KIF13B: variants seen among roughly 807,000 people sequenced by gnomAD.
KIF13B encodes the protein kinesin-like protein KIF13B.
A neutral mutation model predicts 222.0 loss-of-function variants in KIF13B; 127 were observed. That is an observed-to-expected ratio of 0.57 (90% CI 0.50 to 0.66). The LOEUF (loss-of-function observed/expected upper bound fraction) is 0.66, where lower values mean the gene tolerates loss of function less well. Among genes scored for constraint, KIF13B ranks in the 30% least tolerant of loss-of-function variants. The pLI is 0.00. For missense variants in KIF13B, 2,173 were observed against 2,379.0 expected, an observed-to-expected ratio of 0.91 and a Z score of 1.80; for synonymous variants, 976 against 919.0, an observed-to-expected ratio of 1.06 and a Z score of -1.12.
intron 36 of KIF13B, among the ~76,000 whole-genome samples, chr8:29,093,623 C>T (rs533037454): frequency 6.6e-6 from 1 of 152,138 alleles, no homozygotes; most frequent in South Asian, 2.1e-4. Context: ...CACACAACTC[C>T]CCCCAGATCT....
Position 29,181,955 on chromosome 8 carries a change from G to A in KIF13B, c.549C>T (p.Val183=), listed in dbSNP as rs373014416. 111 of 1,613,392 alleles carry A rather than the reference G, an allele frequency of 6.9e-5. No homozygotes were observed. Among genetic ancestry groups the A allele is most frequent in the Non-Finnish European group, 8.6e-5 (101 of 1,179,656 alleles). ...VREHSVLGPY[V]DGLSKLAVTS... ...TGACAGCCAGTTTAGAAAGTCCGTCGACATAAGGTCCCAACACACTATGCT... is the reference window on the plus strand; with the variant it reads ...TGACAGCCAGTTTAGAAAGTCCGTCAACATAAGGTCCCAACACACTATGCT... Residue 183 remains valine, a synonymous_variant, in exon 7 of 40, where the codon GTC becomes GTT. Transcript: ENST00000524189.
At chr8:29,179,219 C>G (rs1812609581) in intron 8 of KIF13B, among the ~76,000 whole-genome samples, 1 of 152,068 alleles carries the variant, frequency 6.6e-6, no homozygotes, top group African/African-American at 2.4e-5. Flanking sequence ...TGGGCTCAAC[C>G]AATCCTCCCA....
chr8:29,114,514 G>T lies in KIF13B; in HGVS notation c.3838-959C>A, dbSNP rs558529696. ...GATCACTGTCCTTAGGGGTGGTGAA[G>T]GGAGATGTAGATGCTACTATTATCC... On this transcript the variant is annotated intron_variant, in intron 31 of 39. Transcript: ENST00000524189. Among the ~76,000 whole-genome samples the T allele has an allele frequency of 2.6e-5, 4 of 152,184 alleles. No individual in the cohort carries two copies. The South Asian group carries it at 8.3e-4, about 32-fold the overall frequency.
At chr8:29,185,820 GAA>G (rs1159085024) in intron 6 of KIF13B, among the ~76,000 whole-genome samples, 1 of 152,066 alleles carries the variant, frequency 6.6e-6, no homozygotes, top group Non-Finnish European at 1.5e-5. Flanking sequence ...ATCTGAACTC[GAA>G]AAACTCTGTG....
chr8:29,098,556 T>C (rs192864462), intron 36 of KIF13B, among the ~76,000 whole-genome samples: 2,137 of 150,634 alleles, frequency 0.014, 54 homozygotes, highest in Non-Finnish European at 0.017. Context: ...TGAGCCGAGA[T>C]TGCACTACTG....
intron 14 of KIF13B, among the ~76,000 whole-genome samples, chr8:29,153,516 G>C (rs1348395099): frequency 6.7e-6 from 1 of 149,752 alleles, no homozygotes; most frequent in East Asian, 1.9e-4. Flanking sequence ...AAATAATTAA[G>C]AGTATGCACA....
At chr8:29,217,289 C>G (rs988250202) in intron 2 of KIF13B, among the ~76,000 whole-genome samples, 1 of 152,196 alleles carries the variant, frequency 6.6e-6, no homozygotes, top group Non-Finnish European at 1.5e-5. Flanking sequence ...TTTTCTCTTA[C>G]AGCTTTATCC....
intron 2 of KIF13B, among the ~76,000 whole-genome samples, chr8:29,234,365 A>G (rs571780108): frequency 6.6e-6 from 1 of 152,210 alleles, no homozygotes; most frequent in South Asian, 2.1e-4. Flanking sequence ...AACATGTGCT[A>G]TAACATGGAT....
rs368179606 is a variant in KIF13B at position 29,099,238 on chromosome 8, G to T, written c.4219C>A (p.Arg1407=). 3 of 1,606,636 alleles carry T rather than the reference G, an allele frequency of 1.9e-6. No homozygotes were observed. The highest frequency in any genetic ancestry group is 2.6e-6 in the Non-Finnish European group (3 of 1,176,370). The change falls in exon 36 of 40, where the codon CGG becomes AGG. Residue 1407 remains arginine (R), a synonymous_variant. Coordinates refer to ENST00000524189, the MANE Select transcript of KIF13B (RefSeq NM_015254.4). ...PSYSLGSNKG[R]WESQQDVSQT... The stretch of plus-strand genomic sequence containing the variant: ...GATACATCCTGCTGACTTTCCCACC[G>T]GCCCTAGTAAAGACAAAATTGGCAA...
At chr8:29,258,096 T>C (rs1816552954) in intron 1 of KIF13B, among the ~76,000 whole-genome samples, 1 of 152,186 alleles carries the variant, frequency 6.6e-6, no homozygotes, top group South Asian at 2.1e-4. Context: ...TGGCTCCACA[T>C]CTGTCAGTGA....
intron 28 of KIF13B, among the ~76,000 whole-genome samples, chr8:29,122,854 A>G (rs141466400): frequency 2.2e-4 from 33 of 152,364 alleles, no homozygotes; most frequent in African/African-American, 7.5e-4. Flanking sequence ...ACTTAGCCTT[A>G]TAAGACACTA....
At position 29,070,720 on chromosome 8, in the gene KIF13B, GT is replaced by G. The variant is rs1257944935; in HGVS notation, c.5264del (p.Asn1755ThrfsTer50). The G allele has an allele frequency of 6.4e-7, 1 of 1,563,842 alleles. No individual in the cohort carries two copies. On this transcript the variant is annotated frameshift_variant, in exon 40 of 40. Coordinates refer to ENST00000524189, the MANE Select transcript of KIF13B (RefSeq NM_015254.4). LOFTEE classifies it high-confidence loss of function. The surrounding 1 kb of genome is among the most constrained non-coding windows in gnomAD (Gnocchi z 4.1). ...GCCTGACCAGCAGCCCGTAGCCAGG[GT>G]TACACCTGAAGTACTGCTTCCCGCC... is the stretch of plus-strand genomic sequence containing the variant. ...SIGGKQYFRC[N>X]PGYGLLVRPS... is the part of the protein sequence containing the mutation.
rs780141587 is a variant in KIF13B at position 29,122,543 on chromosome 8, G to A, written c.3535+48C>T. 6.9e-6 allele frequency: 10 copies of A among 1,451,726 alleles called. No individual in the cohort carries two copies. The South Asian group carries it at 1.2e-4, about 17-fold the overall frequency. 89.9% of individuals were successfully genotyped at this position (1,451,726 alleles called of 1,614,324 possible). A position where few individuals can be genotyped will look rare whatever the true frequency, so the allele number is the denominator to read the frequency against. On this transcript the variant is annotated intron_variant, in intron 29 of 39. Coordinates refer to ENST00000524189, the MANE Select transcript of KIF13B (RefSeq NM_015254.4). The stretch of plus-strand genomic sequence containing the variant: ...TGGTTGGAATCTACATGTTATGTAG[G>A]CACTAAATTTTCAGAGGTAAGCCTT...
chr8:29,191,764 A>G (rs1050300650), intron 3 of KIF13B, among the ~76,000 whole-genome samples: 5 of 152,188 alleles, frequency 3.3e-5, no homozygotes, highest in African/African-American at 1.2e-4. Context: ...CTTTTTCACT[A>G]ATTATTTCTT....
At chr8:29,228,490 T>TATA (rs1563808304) in intron 2 of KIF13B, among the ~76,000 whole-genome samples, 1 of 139,190 alleles carries the variant, frequency 7.2e-6, no homozygotes, top group East Asian at 2.0e-4. Context: ...TATATATATA[T>TATA]GAGATACAGG....
chr8:29,205,334 G>A (rs1813882099), intron 2 of KIF13B, among the ~76,000 whole-genome samples: 1 of 152,100 alleles, frequency 6.6e-6, no homozygotes, highest in Admixed American at 6.6e-5. Flanking sequence ...GAAATGCTAG[G>A]CTTAAGTTCC....
intron 1 of KIF13B, among the ~76,000 whole-genome samples, chr8:29,254,648 A>C (rs1816406428): frequency 6.6e-6 from 1 of 152,240 alleles, no homozygotes; most frequent in Non-Finnish European, 1.5e-5. Context: ...GGAGAGAGAC[A>C]AGAACAAGTG....
intron 24 of KIF13B, among the ~76,000 whole-genome samples, chr8:29,129,952 C>T (rs1341467843): frequency 1.3e-5 from 2 of 152,222 alleles, no homozygotes; most frequent in South Asian, 2.1e-4. Flanking sequence ...CAGGGATAGA[C>T]AGCCAGGACA....
chr8:29,150,665 C>T (rs1374097003), intron 14 of KIF13B, among the ~76,000 whole-genome samples: 1 of 152,158 alleles, frequency 6.6e-6, no homozygotes, highest in Non-Finnish European at 1.5e-5. Flanking sequence ...AGCAAGGCTA[C>T]AGGAGATACT....
Sources: allele counts gnomAD v4.1 joint callset (sites outside exome capture counted in the v4.1 genomes callset), GRCh38; gene constraint gnomAD v4.1.1; non-coding constraint Gnocchi (gnomAD v3.1); transcripts MANE v1.5; gene names NCBI Gene and HGNC (gene_info 2026-07-23, HGNC 2026-07-21).